The following COL2A1 variants were observed in gnomAD, a reference collection of about 807,000 sequenced individuals.
COL2A1 encodes the protein collagen alpha-1(II) chain.
Under a neutral mutation model 204.5 loss-of-function variants are expected in COL2A1, and 28 were observed. That is an observed-to-expected ratio of 0.14 (90% CI 0.10 to 0.19). COL2A1 has a LOEUF of 0.19. Among genes scored for constraint, COL2A1 ranks in the 10% least tolerant of loss-of-function variants. The pLI is 1.00. For synonymous variants in COL2A1, 708 were observed against 718.7 expected (o/e 0.99, Z 0.24); for missense variants, 1,388 against 2,027.5 (o/e 0.68, Z 6.06).
chr12:47,998,432 C>G lies in COL2A1; in HGVS notation c.293-1G>C, dbSNP rs11168346. 6.2e-7 allele frequency: 1 copy of G among 1,611,032 alleles called. No homozygotes were observed. Among genetic ancestry groups the G allele is most frequent in the Non-Finnish European group, 8.5e-7 (1 of 1,178,296 alleles). On this transcript the variant is annotated splice_acceptor_variant, in intron 2 of 53. Coordinates refer to ENST00000380518, the MANE Select transcript of COL2A1 (RefSeq NM_001844.5). LOFTEE classifies it high-confidence loss of function. ...GCCCTTACCTTTGGTCCTGGTTGCCCTGCAAGGGAAAAAATATAGAGAAGA... is the reference window on the plus strand; with the variant it reads ...GCCCTTACCTTTGGTCCTGGTTGCCGTGCAAGGGAAAAAATATAGAGAAGA...
chr12:47,976,418 A>G lies in COL2A1; in HGVS notation c.3489+96T>C. ...ACTGAGTGAGGACCCCTGAGCCCACAGCTTCCCCAGAAGCAGCAGCATTTC... is the reference window on the plus strand; with the variant it reads ...ACTGAGTGAGGACCCCTGAGCCCACGGCTTCCCCAGAAGCAGCAGCATTTC... On this transcript the variant is annotated intron_variant, in intron 49 of 53. Transcript: ENST00000380518. The surrounding 1 kb of genome is among the most constrained non-coding windows in gnomAD (Gnocchi z 4.3). 1 of 1,411,628 alleles carries G rather than the reference A, an allele frequency of 7.1e-7. No homozygotes were observed. The highest frequency in any genetic ancestry group is 1.0e-6 in the Non-Finnish European group (1 of 997,782). 87.4% of individuals were successfully genotyped at this position (1,411,628 alleles called of 1,614,324 possible). A position where few individuals can be genotyped will look rare whatever the true frequency, so the allele number is the denominator to read the frequency against.
chr12:48,000,044 A>G lies in COL2A1; in HGVS notation c.167T>C (p.Val56Ala). ...GCAGAGGACAGTCCCAGTGTCACAG[A>G]CACAGATCCGGCAGGGCTCCGGCTT... ...VWKPEPCRIC[V>A]CDTGTVLCDD... is the part of the protein sequence containing the mutation. The change falls in exon 2 of 54, where the codon GTC becomes GCC. Residue 56 changes from valine (V) to alanine (A), a missense_variant. By Grantham distance (64) the Val-to-Ala change is moderately conservative (BLOSUM62 0). Around this residue, in one of 3 missense-constraint regions of COL2A1, gnomAD observed 201 missense variants for 242.4 expected, o/e 0.83. Coordinates refer to ENST00000380518, the MANE Select transcript of COL2A1 (RefSeq NM_001844.5). The G allele has an allele frequency of 1.2e-6, 2 of 1,614,044 alleles. No homozygotes were observed. The highest frequency in any genetic ancestry group is 1.7e-6 in the Non-Finnish European group (2 of 1,180,006).
At position 47,987,009 on chromosome 12, in the gene COL2A1, G is replaced by A; in HGVS notation, c.1365+69C>T. The A allele has an allele frequency of 6.3e-7, 1 of 1,582,612 alleles. No individual in the cohort carries two copies. The highest frequency in any genetic ancestry group is 1.1e-5 in the South Asian group (1 of 90,482). ...TGTGAGGCCAGGGCAGGAGAGCATG[G>A]GAAAGAGGGGTGATGGGGTTTGACT... On this transcript the variant is annotated intron_variant, in intron 21 of 53. Transcript: ENST00000380518. The surrounding 1 kb of genome is among the most constrained non-coding windows in gnomAD (Gnocchi z 4.1).
In COL2A1 at chr12:47,994,435, G is replaced by A. The variant is rs2136612454; in HGVS notation, c.805C>T (p.Pro269Ser). The A allele has an allele frequency of 1.2e-6, 2 of 1,614,130 alleles. No individual in the cohort carries two copies. The highest frequency in any genetic ancestry group is 1.1e-5 in the South Asian group (1 of 91,064). ...ACGGTGGCGTTTACCTGAGGACCAGGCGGACCCCTTTCACCAGCTTTTCCA... is the reference window on the plus strand; with the variant it reads ...ACGGTGGCGTTTACCTGAGGACCAGACGGACCCCTTTCACCAGCTTTTCCA... ...KPGKAGERGP[P>S]GPQGARGFPG... The change falls in exon 12 of 54, where the codon CCT becomes TCT. Residue 269 changes from proline to serine, a missense_variant. This residue lies in a region of COL2A1 where 884 missense variants were observed against 1,415.8 expected (regional missense o/e 0.62). Transcript: ENST00000380518.
At position 47,986,302 on chromosome 12, in the gene COL2A1, G is replaced by T. The variant is rs1417050660; in HGVS notation, c.1527+34C>A. On this transcript the variant is annotated intron_variant, in intron 23 of 53. Coordinates refer to ENST00000380518, the MANE Select transcript of COL2A1 (RefSeq NM_001844.5). ...CTCCACTTCCCTCTCGAGGTCACAG[G>T]CCCCATGGGATGGAGCCTCCACATT... is the stretch of plus-strand genomic sequence containing the variant. 4.3e-6 allele frequency: 6 copies of T among 1,380,988 alleles called. No homozygotes were observed. In the African/African-American group the frequency reaches 8.6e-5, roughly 20 times the overall value. 85.5% of individuals were successfully genotyped at this position (1,380,988 alleles called of 1,614,324 possible). A position where few individuals can be genotyped will look rare whatever the true frequency, so the allele number is the denominator to read the frequency against.
intron 27 of COL2A1, 45 bp from the exon 28 acceptor site, chr12:47,984,644 G>A (rs755578687): frequency 6.3e-7 from 1 of 1,585,222 alleles, no homozygotes; most frequent in South Asian, 1.1e-5. Context: ...TGGTTTGGGA[G>A]GGAGTTGGGG....
At chr12:48,002,068 A>T (rs906511495) in intron 1 of COL2A1, among the ~76,000 whole-genome samples, 11 of 152,184 alleles carry the variant, frequency 7.2e-5, no homozygotes, top group Non-Finnish European at 1.3e-4. Context: ...CTCGTCTCTC[A>T]TGAATGGGGC....
chr12:47,979,976 G>A (rs1237050830), intron 40 of COL2A1, 33 bp downstream of exon 40: 3 of 1,541,126 alleles, frequency 1.9e-6, no homozygotes, highest in Non-Finnish European at 2.6e-6. Context: ...CTCTTTGTGA[G>A]GTGCAGGGTG....
chr12:47,981,882 G>T (rs778457083), intron 35 of COL2A1, 53 bp from the exon 36 acceptor site: 206 of 1,535,898 alleles, frequency 1.3e-4, no homozygotes, highest in Non-Finnish European at 1.7e-4. Context: ...AGCCGAGCAC[G>T]TGCGGCCCGG....
rs1214049284 is a variant in COL2A1 at position 47,980,083 on chromosome 12, C to T, written c.2626-21G>A. ...GGACCCTGGAAAGGAAAGAGGGAGA[C>T]AGTGAGGCCCAGTGGCCCAAGGAAG... On this transcript the variant is annotated intron_variant, in intron 39 of 53. Transcript: ENST00000380518. This position sits in a 1 kb window ranked among gnomAD's most constrained non-coding sequence, Gnocchi z 4.5. 1.3e-6 allele frequency: 2 copies of T among 1,546,644 alleles called. No homozygotes were observed. Among genetic ancestry groups the T allele is most frequent in the Non-Finnish European group, 1.7e-6 (2 of 1,142,906 alleles).
chr12:47,974,431 A>C (rs987566932), intron 52 of COL2A1, 100 bp from the exon 53 acceptor site: 1 of 1,507,182 alleles, frequency 6.6e-7, no homozygotes, highest in Non-Finnish European at 9.0e-7. Context: ...AAGGACCTCA[A>C]GGGTACTGGG....
At chr12:47,984,972 T>C in intron 27 of COL2A1, 23 bp downstream of exon 27, 1 of 1,601,700 alleles carries the variant, frequency 6.2e-7, no homozygotes. Flanking sequence ...TGGAAGGAAA[T>C]AGAAGAGCAA....
chr12:47,980,594 G>A lies in COL2A1; in HGVS notation c.2585C>T (p.Ala862Val), dbSNP rs1485674245. The change falls in exon 39 of 54, where the codon GCC becomes GTC. Residue 862 changes from alanine (A) to valine (V), a missense_variant. Coordinates refer to ENST00000380518, the MANE Select transcript of COL2A1 (RefSeq NM_001844.5). This position sits in a 1 kb window ranked among gnomAD's most constrained non-coding sequence, Gnocchi z 4.5. Reference sequence around the variant, plus strand: ...TCCAGAGGGGCCCTGAGGACCAGGGGCACCAGCATCGCCTTTCTGGCCGGC... The same window carrying A: ...TCCAGAGGGGCCCTGAGGACCAGGGACACCAGCATCGCCTTTCTGGCCGGC... ...GEAGQKGDAG[A>V]PGPQGPSGAP... 1 of 1,612,668 alleles carries A rather than the reference G, an allele frequency of 6.2e-7. No homozygotes were observed. The highest frequency in any genetic ancestry group is 8.5e-7 in the Non-Finnish European group (1 of 1,179,610).
chr12:47,995,168 T>C, intron 11 of COL2A1, 87 bp downstream of exon 11: 3 of 1,139,350 alleles, frequency 2.6e-6, no homozygotes, highest in Non-Finnish European at 4.0e-6. Flanking sequence ...CCACCCTGGG[T>C]GCCTCCCTGT....
chr12:47,974,191 G>A lies in COL2A1; in HGVS notation c.4215C>T (p.Gly1405=). 1 of 1,614,236 alleles carries A rather than the reference G, an allele frequency of 6.2e-7. No individual in the cohort carries two copies. Among genetic ancestry groups the A allele is most frequent in the Non-Finnish European group, 8.5e-7 (1 of 1,180,044 alleles). Residue 1405 remains glycine (G), a synonymous_variant, in exon 53 of 54, where the codon GGC becomes GGT. Coordinates refer to ENST00000380518, the MANE Select transcript of COL2A1 (RefSeq NM_001844.5). ...NSIAYLDEAA[G]NLKKALLIQG... is the part of the protein sequence containing the mutation. ...GGATGAGCAGGGCCTTCTTGAGGTT[G>A]CCAGCTGCTTCGTCCAGATAGGCAA...
intron 15 of COL2A1, 74 bp downstream of exon 15, chr12:47,993,384 A>G: frequency 1.7e-6 from 2 of 1,147,172 alleles, no homozygotes; most frequent in African/African-American, 3.0e-5. Flanking sequence ...ACTTTGCACA[A>G]AGGGAGCTCT....
At chr12:47,986,006 C>T in intron 23 of COL2A1, 41 bp from the exon 24 acceptor site, 4 of 1,544,678 alleles carry the variant, frequency 2.6e-6, no homozygotes, top group Non-Finnish European at 3.5e-6. Context: ...GTGAGAACAG[C>T]CCCAACCCAG....
At chr12:47,981,083 C>G in intron 37 of COL2A1, 115 bp from the exon 38 acceptor site, 1 of 1,129,702 alleles carries the variant, frequency 8.9e-7, no homozygotes, top group Non-Finnish European at 1.3e-6. Context: ...AGACGGGGAT[C>G]TGAAAGCAGC....
Position 47,977,250 on chromosome 12 carries a change from G to A in COL2A1, c.3273+70C>T, listed in dbSNP as rs888457982. ...CACTGCTCCTTAGTCCAGAGACTGCGGAAACCCAGGGACTGCCTCAGCCCC... is the reference window on the plus strand; with the variant it reads ...CACTGCTCCTTAGTCCAGAGACTGCAGAAACCCAGGGACTGCCTCAGCCCC... On this transcript the variant is annotated intron_variant, in intron 46 of 53. Transcript: ENST00000380518. 42 of 1,580,876 alleles carry A rather than the reference G, an allele frequency of 2.7e-5. 1 individual carries two copies. The highest frequency in any genetic ancestry group is 2.2e-4 in the Admixed American group (13 of 59,968).
Sources: allele counts gnomAD v4.1 joint callset (sites outside exome capture counted in the v4.1 genomes callset), GRCh38; gene constraint gnomAD v4.1.1; regional missense constraint gnomAD v4.1.1; non-coding constraint Gnocchi (gnomAD v3.1); transcripts MANE v1.5; gene names NCBI Gene and HGNC (gene_info 2026-07-23, HGNC 2026-07-21).